Variants in RBL1 observed in about 807,000 individuals in gnomAD.
RBL1 encodes the protein RB transcriptional corepressor like 1, also known as retinoblastoma-like protein 1.
A neutral mutation model predicts 123.0 loss-of-function variants in RBL1; 82 were observed. The ratio of observed to expected loss-of-function variants is 0.67; its 90% CI spans 0.56 to 0.80. The LOEUF (loss-of-function observed/expected upper bound fraction) is 0.80, where lower values mean the gene tolerates loss of function less well. Among genes scored for constraint, RBL1 ranks in the 30% least tolerant of loss-of-function variants. RBL1 has a pLI of 0.00. For missense variants in RBL1, 1,171 were observed against 1,299.6 expected, an observed-to-expected ratio of 0.90 and a Z score of 1.52; for synonymous variants, 405 against 441.3, an observed-to-expected ratio of 0.92 and a Z score of 1.03.
At chr20:37,002,722 C>T (rs1035504990) in intron 21 of RBL1, among the ~76,000 whole-genome samples, 1 of 147,058 alleles carries the variant, frequency 6.8e-6, no homozygotes, top group Non-Finnish European at 1.5e-5. Context: ...TGATTTTCAA[C>T]ATTTTTTTTT....
intron 20 of RBL1, among the ~76,000 whole-genome samples, 163 bp downstream of exon 20, chr20:37,007,248 C>T (rs192362380): frequency 4.6e-5 from 7 of 152,240 alleles, no homozygotes; most frequent in East Asian, 1.9e-4. Flanking sequence ...ATGATTTCCT[C>T]TGGTCTCTGT....
At position 37,032,784 on chromosome 20, in the gene RBL1, C is replaced by G; in HGVS notation, c.2263G>C (p.Ala755Pro). Residue 755 changes from alanine (A) to proline (P), a missense_variant, in exon 16 of 22, where the codon GCT (alanine) becomes CCT (proline). Ala to Pro is a conservative substitution (Grantham distance 27). Coordinates refer to ENST00000373664, the MANE Select transcript of RBL1 (RefSeq NM_002895.5). Reference protein sequence around the residue: ...SKVKSPVSLTAHSLIGASPKQ... With the variant: ...SKVKSPVSLTPHSLIGASPKQ... Reference sequence around the variant, plus strand: ...GGAGAAGCACCAATTAATGAATGAGCAGTAAGTGATACAGGACTCTTGACT... The same window carrying G: ...GGAGAAGCACCAATTAATGAATGAGGAGTAAGTGATACAGGACTCTTGACT... The G allele has an allele frequency of 6.2e-7, 1 of 1,613,968 alleles. No individual in the cohort carries two copies. Among genetic ancestry groups the G allele is most frequent in the Non-Finnish European group, 8.5e-7 (1 of 1,179,980 alleles).
At position 37,055,664 on chromosome 20, in the gene RBL1, G is replaced by A; in HGVS notation, c.1364-8C>T. 1 of 1,591,212 alleles carries A rather than the reference G, an allele frequency of 6.3e-7. No individual in the cohort carries two copies. The highest frequency in any genetic ancestry group is 8.5e-7 in the Non-Finnish European group (1 of 1,170,956). On this transcript the variant is annotated splice_region_variant and splice_polypyrimidine_tract_variant and intron_variant, in intron 10 of 21. Coordinates refer to ENST00000373664, the MANE Select transcript of RBL1 (RefSeq NM_002895.5). ...GTCTGTTTACAGCAAAGTCTATCAGGGAAATACAGAGAAAACATGTGTTAA... is the reference window on the plus strand; with the variant it reads ...GTCTGTTTACAGCAAAGTCTATCAGAGAAATACAGAGAAAACATGTGTTAA...
intron 7 of RBL1, among the ~76,000 whole-genome samples, chr20:37,062,771 C>T (rs956725595): frequency 3.3e-4 from 50 of 151,308 alleles, no homozygotes; most frequent in Non-Finnish European, 6.2e-4. Flanking sequence ...CTGGCTAACA[C>T]GGTGAAACCC....
chr20:37,003,427 T>C, intron 21 of RBL1: 1 of 412,024 alleles, frequency 2.4e-6, no homozygotes, highest in Admixed American at 5.5e-5. Context: ...CACTTGCAGG[T>C]GTTGCCTTAC....
At chr20:37,085,067 A>G (rs1270597482) in intron 2 of RBL1, among the ~76,000 whole-genome samples, 1 of 151,938 alleles carries the variant, frequency 6.6e-6, no homozygotes, top group Non-Finnish European at 1.5e-5. Context: ...GCGCCTGGCC[A>G]GAAGAAATTA....
At chr20:37,006,262 G>A (rs112290777) in intron 20 of RBL1, among the ~76,000 whole-genome samples, 1,871 of 149,134 alleles carry the variant, frequency 0.013, 44 homozygotes, top group African/African-American at 0.044. Flanking sequence ...GTGCAGTGGC[G>A]CGATCTCTGC....
At chr20:37,058,800 T>C (rs2065052717) in intron 9 of RBL1, among the ~76,000 whole-genome samples, 1 of 152,042 alleles carries the variant, frequency 6.6e-6, no homozygotes, top group African/African-American at 2.4e-5. Context: ...TCTCGCTCTG[T>C]TGCCCAGGCT....
intron 16 of RBL1, among the ~76,000 whole-genome samples, chr20:37,028,598 G>A (rs766786827): frequency 1.3e-5 from 2 of 152,034 alleles, no homozygotes; most frequent in Admixed American, 6.6e-5. Flanking sequence ...ATGATTCTTC[G>A]CTAATTAAAA....
At chr20:37,055,741 T>C in intron 10 of RBL1, 85 bp from the exon 11 acceptor site, 8 of 1,259,280 alleles carry the variant, frequency 6.4e-6, no homozygotes, top group Non-Finnish European at 8.7e-6. Flanking sequence ...TAAACTTAAA[T>C]CTGATACATT....
At chr20:37,020,616 A>C (rs2064326734) in intron 18 of RBL1, 43 bp downstream of exon 18, 5 of 1,308,148 alleles carry the variant, frequency 3.8e-6, no homozygotes, top group Non-Finnish European at 5.3e-6. Context: ...AGTGGAAAAG[A>C]GTAAATCTAT....
chr20:37,086,006 C>T (rs931820572), intron 2 of RBL1, among the ~76,000 whole-genome samples: 5 of 152,102 alleles, frequency 3.3e-5, no homozygotes, highest in African/African-American at 1.2e-4. Flanking sequence ...AGTGCAGTGG[C>T]GCTATCTCAG....
intron 13 of RBL1, among the ~76,000 whole-genome samples, chr20:37,041,530 C>T (rs899557246): frequency 3.9e-5 from 6 of 152,042 alleles, no homozygotes; most frequent in Admixed American, 3.3e-4. Flanking sequence ...ACCATATTGG[C>T]CAGCCTGGTC....
chr20:37,003,255 T>G (rs2064016255), intron 21 of RBL1, among the ~76,000 whole-genome samples: 1 of 152,170 alleles, frequency 6.6e-6, no homozygotes, highest in Non-Finnish European at 1.5e-5. Flanking sequence ...ATACCACATC[T>G]TCACCACTGA....
rs1177608322 is a variant in RBL1 at position 37,007,432 on chromosome 20, G to A, written c.2850C>T (p.Asp950=). 6.2e-7 allele frequency: 1 copy of A among 1,613,736 alleles called. No homozygotes were observed. The highest frequency in any genetic ancestry group is 8.5e-7 in the Non-Finnish European group (1 of 1,179,854). ...GRVKSFALKY[D]LANQDHMMDA... ...ATACCATATGGTCCTGATTCGCCAA[G>A]TCGTATTTCAGTGCAAATGACTTCA... is the stretch of plus-strand genomic sequence containing the variant. Residue 950 remains aspartate, a synonymous_variant, in exon 20 of 22, where the codon GAC becomes GAT. Transcript: ENST00000373664.
intron 12 of RBL1, 61 bp downstream of exon 12, chr20:37,046,992 T>C: frequency 6.6e-7 from 1 of 1,508,848 alleles, no homozygotes; most frequent in Non-Finnish European, 8.8e-7. Context: ...CTAAGATAAA[T>C]ACAATGTTTC....
chr20:37,089,659 TAAA>T (rs542194813), intron 1 of RBL1, among the ~76,000 whole-genome samples: 2 of 135,450 alleles, frequency 1.5e-5, no homozygotes, highest in Non-Finnish European at 1.6e-5. Flanking sequence ...TCCTGTCTCT[TAAA>T]AAAAAAAAAA....
At chr20:37,013,705 G>A (rs981571933) in intron 19 of RBL1, among the ~76,000 whole-genome samples, 31 of 152,238 alleles carry the variant, frequency 2.0e-4, no homozygotes, top group Middle Eastern at 3.4e-3. Flanking sequence ...TAAAAGCTCT[G>A]AGAAGTCCTG....
At chr20:37,069,966 G>A (rs1300516402) in intron 2 of RBL1, among the ~76,000 whole-genome samples, 2 of 152,356 alleles carry the variant, frequency 1.3e-5, no homozygotes, top group East Asian at 3.9e-4. Flanking sequence ...CGTCTGGGAG[G>A]TGTGCCCAAC....
Sources: gnomAD v4.1 joint callset for allele counts (sites outside exome capture counted in the v4.1 genomes callset) on GRCh38, gnomAD v4.1.1 for gene constraint, MANE v1.5 for transcripts, NCBI Gene and HGNC (gene_info 2026-07-23, HGNC 2026-07-21) for gene names.